Variants in MYT1L observed in about 807,000 individuals in gnomAD.
The protein encoded by MYT1L is myelin transcription factor 1-like protein.
A neutral mutation model predicts 126.7 loss-of-function variants in MYT1L; 12 were observed. The observed-to-expected ratio is 0.09, with a 90% CI of 0.06 to 0.15. The LOEUF is 0.15. Ranked by LOEUF, MYT1L falls within the 10% of genes least tolerant of loss-of-function variation. The pLI is 1.00. For missense variants in MYT1L, 979 were observed against 1,585.2 expected, an observed-to-expected ratio of 0.62 and a Z score of 6.49; for synonymous variants, 541 against 604.2, an observed-to-expected ratio of 0.90 and a Z score of 1.53.
intron 2 of MYT1L, among the ~76,000 whole-genome samples, chr2:2,250,948 G>A (rs2094631576): frequency 6.6e-6 from 1 of 152,014 alleles, no homozygotes; most frequent in Non-Finnish European, 1.5e-5. Flanking sequence ...ATTAAAAAAT[G>A]TTTAAAATTA....
intron 5 of MYT1L, among the ~76,000 whole-genome samples, chr2:1,987,824 G>A (rs2061162775): frequency 6.6e-6 from 1 of 152,174 alleles, no homozygotes; most frequent in South Asian, 2.1e-4. Context: ...TTCCCATGCT[G>A]GGCCTCAAGA....
intron 2 of MYT1L, among the ~76,000 whole-genome samples, chr2:2,216,618 A>C (rs976368817): frequency 6.6e-6 from 1 of 152,200 alleles, no homozygotes; most frequent in African/African-American, 2.4e-5. Context: ...GAAAGAGAAA[A>C]GCAAATTAAA....
In MYT1L at chr2:1,791,192, C is replaced by T; in HGVS notation, c.*675G>A. On this transcript the variant is annotated 3_prime_UTR_variant, in exon 25 of 25. Coordinates refer to ENST00000647738, the MANE Select transcript of MYT1L (RefSeq NM_001303052.2). This position sits in a 1 kb window ranked among gnomAD's most constrained non-coding sequence, Gnocchi z 6.0. ...AATAAATTACTTATTTCATTTCTTA[C>T]AGTTAATCCATATGCCATTTCCTTG... 1 of 469,690 alleles carries T rather than the reference C, an allele frequency of 2.1e-6. No individual in the cohort carries two copies. Among genetic ancestry groups the T allele is most frequent in the South Asian group, 1.6e-5 (1 of 63,698 alleles). 29.1% of individuals were successfully genotyped at this position (469,690 alleles called of 1,614,324 possible).
chr2:1,969,065 T>C (rs1422193678), intron 8 of MYT1L, among the ~76,000 whole-genome samples: 1 of 152,240 alleles, frequency 6.6e-6, no homozygotes, highest in Non-Finnish European at 1.5e-5. Context: ...AGTTCTTAAA[T>C]ACTGCCTTGC....
At chr2:1,901,048 C>T (rs189615489) in intron 14 of MYT1L, among the ~76,000 whole-genome samples, 3 of 152,340 alleles carry the variant, frequency 2.0e-5, no homozygotes, top group Non-Finnish European at 4.4e-5. Flanking sequence ...CCAGAAGAAA[C>T]CCATGGCACT....
rs781642397 is a variant in MYT1L, at chr2:1,943,084, T to TCTC, written c.400_402dup (p.Glu134dup). ...TCATCGTCCTCATCCTCCTCCTCGATCTCCTCCTCCTCCTCCCGGTCCCCC... is the reference window on the plus strand; with the variant it reads ...TCATCGTCCTCATCCTCCTCCTCGATCTCCTCCTCCTCCTCCTCCCGGTCCCCC... On this transcript the variant is annotated inframe_insertion, in exon 9 of 25. Transcript: ENST00000647738. The surrounding 1 kb of genome is among the most constrained non-coding windows in gnomAD (Gnocchi z 4.4). 1.5e-5 allele frequency: 21 copies of TCTC among 1,441,730 alleles called. No individual in the cohort carries two copies. The highest frequency in any genetic ancestry group is 2.0e-5 in the Non-Finnish European group (21 of 1,048,162). 89.3% of individuals were successfully genotyped at this position (1,441,730 alleles called of 1,614,324 possible). A position where few individuals can be genotyped will look rare whatever the true frequency, so the allele number is the denominator to read the frequency against.
At chr2:1,876,181 A>T (rs900672657) in intron 18 of MYT1L, among the ~76,000 whole-genome samples, 2 of 152,066 alleles carry the variant, frequency 1.3e-5, no homozygotes, top group African/African-American at 2.4e-5. Context: ...TTTGTGATGG[A>T]ATTTCCAAAT....
intron 3 of MYT1L, among the ~76,000 whole-genome samples, chr2:2,154,465 G>A (rs1194402437): frequency 6.6e-6 from 1 of 152,204 alleles, no homozygotes; most frequent in Non-Finnish European, 1.5e-5. Context: ...TAAAGAAAAT[G>A]TGGTACATAT....
At chr2:2,093,319 C>T (rs1248657014) in intron 3 of MYT1L, among the ~76,000 whole-genome samples, 16 of 27,164 alleles carry the variant, frequency 5.9e-4, no homozygotes, top group African/African-American at 2.3e-3. Flanking sequence ...GGGGGTGGGG[C>T]GGGGGGGCTT....
chr2:1,874,348 A>AG (rs1491430069), intron 18 of MYT1L, among the ~76,000 whole-genome samples: 1 of 80,270 alleles, frequency 1.2e-5, no homozygotes, highest in African/African-American at 9.5e-5. Context: ...CTAATGTAAC[A>AG]GGGGGAAAAG....
chr2:1,907,141 A>AC lies in MYT1L; in HGVS notation c.1817+3098_1817+3099insG, dbSNP rs34364777. On this transcript the variant is annotated intron_variant, in intron 13 of 24. Transcript: ENST00000647738. ...AATTTTTTTTTTAATTAAAAAAAAA[A>AC]AACAAAAGACCATGGGTGATGTGAT... Among the ~76,000 whole-genome samples, 716 of 151,060 alleles carry AC rather than the reference A, an allele frequency of 4.7e-3. 3 individuals are homozygous for AC. Among genetic ancestry groups the AC allele is most frequent in the Non-Finnish European group, 8.4e-3 (572 of 67,750 alleles).
intron 1 of MYT1L, among the ~76,000 whole-genome samples, chr2:2,289,276 A>G (rs1173419139): frequency 1.3e-5 from 2 of 152,158 alleles, no homozygotes; most frequent in African/African-American, 4.8e-5. Flanking sequence ...TTGGCCAAAA[A>G]GCTTTCTTTA....
chr2:1,829,256 C>T (rs990525183), intron 21 of MYT1L, among the ~76,000 whole-genome samples: 1 of 151,644 alleles, frequency 6.6e-6, no homozygotes, highest in African/African-American at 2.4e-5. Context: ...TTCCAACCTT[C>T]CCATACACCT....
In MYT1L at chr2:1,922,684, C is replaced by T. The variant is rs1447055355; in HGVS notation, c.1085G>A (p.Arg362Gln). Residue 362 changes from arginine to glutamine, a missense_variant, in exon 10 of 25, where the codon CGG becomes CAG. By Grantham distance (43) the Arg-to-Gln change is conservative. Coordinates refer to ENST00000647738, the MANE Select transcript of MYT1L (RefSeq NM_001303052.2). This position sits in a 1 kb window ranked among gnomAD's most constrained non-coding sequence, Gnocchi z 7.4. ...QQNMNIRQHV[R>Q]PEEDFPGRTP... ...CCTTCCGGGGAAGTCCTCTTCTGGC[C>T]GGACATGCTGACGGATGTTCATGTT... is the stretch of plus-strand genomic sequence containing the variant. 8 of 1,613,640 alleles carry T rather than the reference C, an allele frequency of 5.0e-6. No homozygotes were observed. The highest frequency in any genetic ancestry group is 1.1e-5 in the South Asian group (1 of 91,058).
chr2:2,017,822 G>T (rs550383103), intron 4 of MYT1L, among the ~76,000 whole-genome samples: 20 of 152,170 alleles, frequency 1.3e-4, no homozygotes, highest in African/African-American at 4.3e-4. Context: ...TGAATGCTAG[G>T]TTTCTGGGGC....
intron 20 of MYT1L, 60 bp from the exon 21 acceptor site, chr2:1,839,430 G>C: frequency 6.8e-7 from 1 of 1,464,016 alleles, no homozygotes; most frequent in Non-Finnish European, 9.4e-7. Context: ...GGTGGCTTCT[G>C]TAACAAAGTC....
At chr2:2,054,720 T>C (rs550326538) in intron 3 of MYT1L, among the ~76,000 whole-genome samples, 2 of 143,044 alleles carry the variant, frequency 1.4e-5, no homozygotes, top group South Asian at 2.2e-4. Flanking sequence ...ATGAGATGTA[T>C]GGAGATGACA....
At chr2:1,918,384 G>GATT (rs747191631) in intron 10 of MYT1L, among the ~76,000 whole-genome samples, 102 of 152,232 alleles carry the variant, frequency 6.7e-4, no homozygotes, top group Non-Finnish European at 1.2e-3. Context: ...AACAGATAGC[G>GATT]ATTATTATTA....
chr2:2,298,484 G>A (rs181972903), intron 1 of MYT1L, among the ~76,000 whole-genome samples: 94 of 152,330 alleles, frequency 6.2e-4, no homozygotes, highest in Admixed American at 1.1e-3. Context: ...CCATGAAGAA[G>A]CAGGCCACAA....
Sources: gnomAD v4.1 joint callset for allele counts (sites outside exome capture counted in the v4.1 genomes callset) on GRCh38, gnomAD v4.1.1 for gene constraint, Gnocchi (gnomAD v3.1) non-coding constraint, MANE v1.5 for transcripts, NCBI Gene and HGNC (gene_info 2026-07-23, HGNC 2026-07-21) for gene names.